The following SPRED1 variants were observed in gnomAD, a reference collection of about 807,000 sequenced individuals.
SPRED1 encodes the protein sprouty related EVH1 domain containing 1.
In SPRED1, 18 loss-of-function variants were observed where a neutral mutation model predicts 52.3. The ratio of observed to expected loss-of-function variants is 0.34; its 90% confidence interval spans 0.24 to 0.51. The LOEUF is 0.51. SPRED1 is among the 20% of genes least tolerant of loss of function. The pLI is 0.97. For missense variants in SPRED1, 485 were observed against 551.0 expected (o/e 0.88, Z 1.20); for synonymous variants, 155 against 179.7 (o/e 0.86, Z 1.10).
intron 5 of SPRED1, among the ~76,000 whole-genome samples, chr15:38,346,563 A>G (rs1896141348): frequency 6.6e-6 from 1 of 152,210 alleles, no homozygotes; most frequent in East Asian, 1.9e-4. Context: ...CTTTGCCTTC[A>G]TCCTAGAGGT....
At chr15:38,341,769 T>G (rs1443729133) in intron 5 of SPRED1, among the ~76,000 whole-genome samples, 4 of 152,122 alleles carry the variant, frequency 2.6e-5, no homozygotes, top group Non-Finnish European at 5.9e-5. Flanking sequence ...GCCCAGCATA[T>G]ATGGTCAGTG....
At chr15:38,293,522 G>C (rs1894967468) in intron 1 of SPRED1, among the ~76,000 whole-genome samples, 1 of 152,146 alleles carries the variant, frequency 6.6e-6, no homozygotes, top group Non-Finnish European at 1.5e-5. Flanking sequence ...GAGTAATACA[G>C]ATCTTCGTCT....
intron 1 of SPRED1, among the ~76,000 whole-genome samples, chr15:38,262,958 A>C (rs1007599902): frequency 5.3e-5 from 8 of 152,188 alleles, no homozygotes; most frequent in African/African-American, 1.9e-4. Context: ...TAAGTGAGGG[A>C]ATGATAATCC....
At chr15:38,299,611 T>C in intron 2 of SPRED1, 64 bp downstream of exon 2, 2 of 1,498,126 alleles carry the variant, frequency 1.3e-6, no homozygotes, top group Non-Finnish European at 1.8e-6. Flanking sequence ...AAGTTATGAT[T>C]AGTATACTGT....
intron 2 of SPRED1, among the ~76,000 whole-genome samples, chr15:38,311,615 A>G (rs770650895): frequency 6.6e-6 from 1 of 152,174 alleles, no homozygotes; most frequent in Non-Finnish European, 1.5e-5. Flanking sequence ...ACGACTATTC[A>G]GGTTATCTAT....
At chr15:38,342,648 C>A (rs1896052708) in intron 5 of SPRED1, among the ~76,000 whole-genome samples, 1 of 151,960 alleles carries the variant, frequency 6.6e-6, no homozygotes. Flanking sequence ...TATTTTCTTT[C>A]ATCAATTTAA....
chr15:38,319,849 G>C (rs945833377), intron 2 of SPRED1, among the ~76,000 whole-genome samples: 11 of 152,130 alleles, frequency 7.2e-5, no homozygotes, highest in Admixed American at 2.6e-4. Context: ...GTGGTATGCT[G>C]ATAAAAGGTT....
At chr15:38,302,885 C>T (rs1462753916) in intron 2 of SPRED1, among the ~76,000 whole-genome samples, 3 of 152,088 alleles carry the variant, frequency 2.0e-5, no homozygotes, top group African/African-American at 7.2e-5. Context: ...AAGTCTTGGC[C>T]GGGCGTGGTG....
In SPRED1 at chr15:38,351,820, G is replaced by A. The variant is rs1412257141; in HGVS notation, c.*156G>A. 2.2e-6 allele frequency: 2 copies of A among 928,862 alleles called. No homozygotes were observed. The highest frequency in any genetic ancestry group is 2.6e-5 in the East Asian group (1 of 38,144). 57.5% of individuals were successfully genotyped at this position (928,862 alleles called of 1,614,324 possible). A position where few individuals can be genotyped will look rare whatever the true frequency, so the allele number is the denominator to read the frequency against. ...AACTCATCAGTTCTTGGCGTTTCAC[G>A]CCATGCCTAACTTTTCCCTTGAGTG... On this transcript the variant is annotated 3_prime_UTR_variant, in exon 7 of 7. Transcript: ENST00000299084.
At chr15:38,295,142 G>T (rs1024856806) in intron 1 of SPRED1, among the ~76,000 whole-genome samples, 1 of 152,104 alleles carries the variant, frequency 6.6e-6, no homozygotes, top group East Asian at 1.9e-4. Flanking sequence ...AAGCAGTCAC[G>T]TGTTTTGCAA....
chr15:38,307,974 GAAT>G (rs1317141195), intron 2 of SPRED1, among the ~76,000 whole-genome samples: 3 of 152,098 alleles, frequency 2.0e-5, no homozygotes, highest in Admixed American at 6.5e-5. Context: ...GCAGCTTTTA[GAAT>G]AATGTTAGAC....
chr15:38,352,875 G>A lies in SPRED1; in HGVS notation c.*1211G>A, dbSNP rs1888524047. On this transcript the variant is annotated 3_prime_UTR_variant, in exon 7 of 7. Transcript: ENST00000299084. The stretch of plus-strand genomic sequence containing the variant: ...TTAAAATGTGTGCTAAACTATCCCA[G>A]GAAAGTATTTAATCCAACATTGTAA... The A allele has an allele frequency of 6.6e-6, 1 of 151,994 alleles. No individual in the cohort carries two copies. Among genetic ancestry groups the A allele is most frequent in the Non-Finnish European group, 1.5e-5 (1 of 67,920 alleles). The allele number at this position is 151,994 out of a possible 1,614,324, so 9.4% of individuals were successfully genotyped here.
intron 2 of SPRED1, among the ~76,000 whole-genome samples, chr15:38,312,220 T>C (rs543747710): frequency 8.5e-5 from 13 of 152,252 alleles, no homozygotes; most frequent in African/African-American, 3.1e-4. Context: ...GTTCATAAGG[T>C]TCGTAACTGT....
intron 6 of SPRED1, among the ~76,000 whole-genome samples, chr15:38,350,192 G>T (rs10083633): frequency 0.82 from 125,324 of 152,204 alleles, 52,406 homozygotes; most frequent in Non-Finnish European, 0.9. Context: ...AGAAGTTCAA[G>T]ATCAAGGTTG....
chr15:38,334,943 A>C (rs948610820), intron 4 of SPRED1, among the ~76,000 whole-genome samples: 1 of 151,976 alleles, frequency 6.6e-6, no homozygotes, highest in Non-Finnish European at 1.5e-5. Flanking sequence ...CAACAGCGCA[A>C]AAAAGTATTT....
intron 2 of SPRED1, among the ~76,000 whole-genome samples, chr15:38,309,046 T>C (rs1895309244): frequency 6.6e-6 from 1 of 152,206 alleles, no homozygotes; most frequent in Non-Finnish European, 1.5e-5. Flanking sequence ...TAATAACTTA[T>C]TGTGGTTTTA....
chr15:38,310,153 G>GTGTGTGTGTGTGTGTTTT (rs373463622), intron 2 of SPRED1, among the ~76,000 whole-genome samples: 2 of 132,264 alleles, frequency 1.5e-5, no homozygotes, highest in Admixed American at 7.8e-5. Context: ...GTGTGTGTGT[G>GTGTGTGTGTGTGTGTTTT]TTTGGAGACG....
chr15:38,316,935 C>G (rs1464167537), intron 2 of SPRED1, among the ~76,000 whole-genome samples: 1 of 151,424 alleles, frequency 6.6e-6, no homozygotes, highest in Non-Finnish European at 1.5e-5. Context: ...GCATCATATT[C>G]TTTATAGTTA....
chr15:38,322,431 CTTAAT>C, intron 3 of SPRED1, 22 bp downstream of exon 3: 1 of 1,610,788 alleles, frequency 6.2e-7, no homozygotes. Context: ...TGACTATTTT[CTTAAT>C]TTATTTATCG....
Sources: allele counts gnomAD v4.1 joint callset (sites outside exome capture counted in the v4.1 genomes callset), GRCh38; gene constraint gnomAD v4.1.1; transcripts MANE v1.5; gene names NCBI Gene and HGNC (gene_info 2026-07-23, HGNC 2026-07-21).